Variants in AGO3 observed in about 807,000 individuals in gnomAD.
AGO3 encodes the protein argonaute RISC catalytic component 3.
AGO3 carries 16 observed loss-of-function variants against 105.5 expected under a neutral mutation model. The observed-to-expected ratio is 0.15, with a 90% CI of 0.10 to 0.23. AGO3 has a LOEUF of 0.23. Ranked by LOEUF, AGO3 falls within the 10% of genes least tolerant of loss-of-function variation. AGO3 has a pLI of 1.00. For missense variants in AGO3, 534 were observed against 1,088.0 expected (o/e 0.49, Z 7.16); for synonymous variants, 340 against 367.3 (o/e 0.93, Z 0.85).
At chr1:36,015,448 C>T (rs757073937) in intron 11 of AGO3, among the ~76,000 whole-genome samples, 1 of 152,178 alleles carries the variant, frequency 6.6e-6, no homozygotes. Flanking sequence ...CATTAGTTAT[C>T]AACTTAACCT....
chr1:36,027,241 A>T lies in AGO3; in HGVS notation c.1534A>T (p.Thr512Ser). 1 of 1,614,242 alleles carries T rather than the reference A, an allele frequency of 6.2e-7. No individual in the cohort carries two copies. Among genetic ancestry groups the T allele is most frequent in the Non-Finnish European group, 8.5e-7 (1 of 1,180,036 alleles). The part of the protein sequence containing the change: ...VEPMFRHLKN[T>S]YSGLQLIIVI... Reference sequence around the variant, plus strand: ...GCCCATGTTCCGGCATCTCAAGAACACATATTCTGGCCTACAGCTTATTAT... The same window carrying T: ...GCCCATGTTCCGGCATCTCAAGAACTCATATTCTGGCCTACAGCTTATTAT... Residue 512 changes from threonine to serine, a missense_variant, in exon 12 of 19, where the codon ACA becomes TCA. Thr to Ser is a moderately conservative substitution (Grantham distance 58). Coordinates refer to ENST00000373191, the MANE Select transcript of AGO3 (RefSeq NM_024852.4). This position sits in a 1 kb window ranked among gnomAD's most constrained non-coding sequence, Gnocchi z 4.0.
chr1:36,049,094 C>T (rs1642592995), intron 17 of AGO3, among the ~76,000 whole-genome samples: 1 of 152,192 alleles, frequency 6.6e-6, no homozygotes, highest in African/African-American at 2.4e-5. Context: ...CAAACTAACA[C>T]AGGAACAGAA....
At chr1:35,968,844 C>T (rs1646816523) in intron 3 of AGO3, among the ~76,000 whole-genome samples, 2 of 151,948 alleles carry the variant, frequency 1.3e-5, no homozygotes, top group Admixed American at 6.6e-5. Flanking sequence ...TACATTCCCA[C>T]CAACAGTGAA....
At position 36,036,221 on chromosome 1, in the gene AGO3, T is replaced by G; in HGVS notation, c.1796T>G (p.Val599Gly). 3.7e-6 allele frequency: 6 copies of G among 1,614,170 alleles called. No individual in the cohort carries two copies. The highest frequency in any genetic ancestry group is 5.1e-6 in the Non-Finnish European group (6 of 1,180,008). ...QQPVIFLGAD[V>G]THPPAGDGKK... ...CCAGTGATCTTTTTGGGAGCCGATGTCACTCATCCACCTGCTGGTGATGGA... is the reference window on the plus strand; with the variant it reads ...CCAGTGATCTTTTTGGGAGCCGATGGCACTCATCCACCTGCTGGTGATGGA... The change falls in exon 14 of 19, where the codon GTC becomes GGC. Residue 599 changes from valine (V) to glycine (G), a missense_variant. Val to Gly is a moderately radical substitution (Grantham distance 109). Transcript: ENST00000373191.
At chr1:36,018,740 T>G (rs1412070327) in intron 11 of AGO3, among the ~76,000 whole-genome samples, 2 of 151,974 alleles carry the variant, frequency 1.3e-5, no homozygotes, top group Admixed American at 1.3e-4. Flanking sequence ...CAATATGAGG[T>G]TTTTTTTATC....
At chr1:36,038,494 A>T (rs1386995754) in intron 14 of AGO3, among the ~76,000 whole-genome samples, 1 of 151,918 alleles carries the variant, frequency 6.6e-6, no homozygotes, top group East Asian at 1.9e-4. Context: ...TGACCTTGTG[A>T]TTCGCCCACC....
chr1:35,934,249 A>G (rs913106393), intron 1 of AGO3, among the ~76,000 whole-genome samples: 4 of 152,230 alleles, frequency 2.6e-5, no homozygotes, highest in African/African-American at 9.6e-5. Context: ...GTTTTCAGGT[A>G]ATGTTAGACT....
chr1:36,037,754 A>T (rs938318865), intron 14 of AGO3, among the ~76,000 whole-genome samples: 3 of 152,154 alleles, frequency 2.0e-5, no homozygotes, highest in African/African-American at 7.2e-5. Context: ...TTAAATGTTC[A>T]GTGGTTGTAT....
chr1:36,012,397 A>G (rs1478532709), intron 9 of AGO3, among the ~76,000 whole-genome samples: 1 of 152,012 alleles, frequency 6.6e-6, no homozygotes, highest in African/African-American at 2.4e-5. Context: ...GAGATTCTAT[A>G]TAGCAGCATG....
intron 1 of AGO3, among the ~76,000 whole-genome samples, chr1:35,941,023 C>T (rs1186844041): frequency 6.6e-6 from 1 of 152,156 alleles, no homozygotes; most frequent in African/African-American, 2.4e-5. Context: ...CTGAACTCCA[C>T]ACTCATCTAA....
intron 2 of AGO3, among the ~76,000 whole-genome samples, chr1:35,959,547 G>A (rs968822249): frequency 5.9e-5 from 9 of 152,106 alleles, no homozygotes; most frequent in African/African-American, 2.2e-4. Flanking sequence ...CACTGTTTTA[G>A]AAGTTAAAAT....
chr1:36,030,595 A>G (rs575616920), intron 12 of AGO3, among the ~76,000 whole-genome samples: 2 of 152,274 alleles, frequency 1.3e-5, no homozygotes, highest in East Asian at 3.9e-4. Flanking sequence ...TAAATATTAT[A>G]ATACCTAGTG....
At chr1:35,982,537 A>C (rs971585065) in intron 5 of AGO3, 2 of 631,610 alleles carry the variant, frequency 3.2e-6, no homozygotes, top group Non-Finnish European at 5.8e-6. Flanking sequence ...TCAATGAAAT[A>C]GGAAAACTTC....
In AGO3 at chr1:36,071,332, T is replaced by C. The variant is rs775399735; in HGVS notation, c.*15587T>C. On this transcript the variant is annotated 3_prime_UTR_variant, in exon 19 of 19. Coordinates refer to ENST00000373191, the MANE Select transcript of AGO3 (RefSeq NM_024852.4). ...GGGGAGGGTGGGGCCGCCTGCAAAA[T>C]GTCCTGAAGATGGACAAATAGCCTT... is the stretch of plus-strand genomic sequence containing the variant. 1.3e-5 allele frequency: 2 copies of C among 152,162 alleles called. No individual in the cohort carries two copies. Among genetic ancestry groups the C allele is most frequent in the Non-Finnish European group, 2.9e-5 (2 of 68,026 alleles). 9.4% of individuals were successfully genotyped at this position (152,162 alleles called of 1,614,324 possible).
intron 16 of AGO3, 39 bp from the exon 17 acceptor site, chr1:36,043,408 T>C (rs1317872922): frequency 1.3e-6 from 2 of 1,531,722 alleles, no homozygotes; most frequent in Non-Finnish European, 1.8e-6. Context: ...TATTTTTACC[T>C]TTTTCTTGTT....
chr1:36,041,931 C>CA lies in AGO3; in HGVS notation c.2172+1499dup, dbSNP rs201387894. On this transcript the variant is annotated intron_variant, in intron 16 of 18. Transcript: ENST00000373191. ...GCTCTCATTAGTAGAGTGATGAGAA[C>CA]AAAAAAAAATTAATAAATAAAGTTT... is the stretch of plus-strand genomic sequence containing the variant. Among the ~76,000 whole-genome samples the CA allele has an allele frequency of 2.4e-3, 356 of 150,140 alleles. 1 individual carries two copies. The highest frequency in any genetic ancestry group is 7.1e-3 in the African/African-American group (291 of 40,924).
In AGO3 at chr1:36,055,490, TG is replaced by T. The variant is rs1389510740; in HGVS notation, c.2475-146del. 1.3e-6 allele frequency: 1 copy of T among 765,556 alleles called. No homozygotes were observed. Among genetic ancestry groups the T allele is most frequent in the East Asian group, 2.7e-5 (1 of 37,322 alleles). 47.4% of individuals were successfully genotyped at this position (765,556 alleles called of 1,614,324 possible). A position where few individuals can be genotyped will look rare whatever the true frequency, so the allele number is the denominator to read the frequency against. ...AAATTGGCCTTGAGTTAATAGTGAT[TG>T]AAGCTGAGTGATGGACACATAGATT... On this transcript the variant is annotated intron_variant, in intron 18 of 18. Transcript: ENST00000373191. This position sits in a 1 kb window ranked among gnomAD's most constrained non-coding sequence, Gnocchi z 4.4.
intron 1 of AGO3, among the ~76,000 whole-genome samples, chr1:35,937,911 G>A (rs1253266093): frequency 6.6e-6 from 1 of 151,018 alleles, no homozygotes; most frequent in African/African-American, 2.4e-5. Flanking sequence ...TATAAAATCA[G>A]AGACATTTCA....
rs1241789082 is a variant in AGO3 at position 36,069,843 on chromosome 1, G to C, written c.*14098G>C. On this transcript the variant is annotated 3_prime_UTR_variant, in exon 19 of 19. Coordinates refer to ENST00000373191, the MANE Select transcript of AGO3 (RefSeq NM_024852.4). ...AGGCCGAGGTAGGTGGATCACTTGA[G>C]GTCAGGAGTTCGAGACCAGCCTGGC... is the stretch of plus-strand genomic sequence containing the variant. 6.6e-6 allele frequency: 1 copy of C among 152,214 alleles called. No individual in the cohort carries two copies. Among genetic ancestry groups the C allele is most frequent in the Non-Finnish European group, 1.5e-5 (1 of 68,056 alleles). 9.4% of individuals were successfully genotyped at this position (152,214 alleles called of 1,614,324 possible).
Sources: allele counts gnomAD v4.1 joint callset (sites outside exome capture counted in the v4.1 genomes callset), GRCh38; gene constraint gnomAD v4.1.1; non-coding constraint Gnocchi (gnomAD v3.1); transcripts MANE v1.5; gene names NCBI Gene and HGNC (gene_info 2026-07-23, HGNC 2026-07-21).